PRKD3: variants seen among roughly 807,000 people sequenced by gnomAD.
PRKD3 encodes the protein serine/threonine-protein kinase D3.
A neutral mutation model predicts 99.2 loss-of-function variants in PRKD3; 47 were observed. The observed-to-expected ratio is 0.47, with a 90% CI of 0.38 to 0.60. PRKD3 has a LOEUF of 0.60. Ranked by LOEUF, PRKD3 falls within the 20% of genes least tolerant of loss-of-function variation. The pLI is 0.00. For missense variants in PRKD3, 1,019 were observed against 1,088.4 expected (o/e 0.94, Z 0.90); for synonymous variants, 392 against 355.4 (o/e 1.10, Z -1.16).
At chr2:37,287,991 C>T (rs1363259186) in intron 5 of PRKD3, among the ~76,000 whole-genome samples, 1 of 152,130 alleles carries the variant, frequency 6.6e-6, no homozygotes, top group Non-Finnish European at 1.5e-5. Context: ...TTAAAAATAC[C>T]CTGAACAATC....
In PRKD3 at chr2:37,260,392, G is replaced by C. The variant is rs778200477; in HGVS notation, c.1885-8C>G. The C allele has an allele frequency of 6.2e-7, 1 of 1,606,316 alleles. No individual in the cohort carries two copies. On this transcript the variant is annotated splice_polypyrimidine_tract_variant and splice_region_variant and intron_variant, in intron 14 of 18. Coordinates refer to ENST00000234179, the MANE Select transcript of PRKD3 (RefSeq NM_005813.6). ...CCCAGGATGGTGCAAATTCTGAAGA[G>C]AGGTTGCAAGATACATGAGCAACTT...
At chr2:37,324,107 G>T in intron 1 of PRKD3, 1 of 909,608 alleles carries the variant, frequency 1.1e-6, no homozygotes, top group Non-Finnish European at 1.3e-6. Context: ...CCAGGAGGGA[G>T]CAACTCGGAA....
chr2:37,312,317 T>C (rs986653158), intron 2 of PRKD3, among the ~76,000 whole-genome samples: 1 of 152,330 alleles, frequency 6.6e-6, no homozygotes, highest in East Asian at 1.9e-4. Flanking sequence ...CGTGGAAATA[T>C]CTGACAAGGA....
intron 6 of PRKD3, among the ~76,000 whole-genome samples, chr2:37,283,299 G>A (rs568164303): frequency 6.6e-6 from 1 of 152,268 alleles, no homozygotes; most frequent in East Asian, 1.9e-4. Context: ...CTTAGCGGGT[G>A]GGGAGGGTAG....
chr2:37,289,384 G>A lies in PRKD3; in HGVS notation c.689C>T (p.Pro230Leu). ...PGLSVPRPLQ[P>L]EYVALPSEES... Reference sequence around the variant, plus strand: ...TTCACTGGGAAGGGCTACATATTCAGGCTGTAGGGGTCTTGGAACTGAGAG... The same window carrying A: ...TTCACTGGGAAGGGCTACATATTCAAGCTGTAGGGGTCTTGGAACTGAGAG... Residue 230 changes from proline (P) to leucine (L), a missense_variant, in exon 5 of 19, where the codon CCT (proline) becomes CTT (leucine). This residue lies in a region of PRKD3 where 710 missense variants were observed against 692.7 expected (regional missense o/e 1.02). Coordinates refer to ENST00000234179, the MANE Select transcript of PRKD3 (RefSeq NM_005813.6). 1 of 1,614,086 alleles carries A rather than the reference G, an allele frequency of 6.2e-7. No homozygotes were observed.
chr2:37,251,638 A>T lies in PRKD3; in HGVS notation c.*1539T>A, dbSNP rs1314287589. 1 of 151,916 alleles carries T rather than the reference A, an allele frequency of 6.6e-6. No homozygotes were observed. The highest frequency in any genetic ancestry group is 2.4e-5 in the African/African-American group (1 of 41,340). The allele number at this position is 151,916 out of a possible 1,614,324, so 9.4% of individuals were successfully genotyped here. ...ATTCTTTTTTTTTTTTGCTACCTCA[A>T]ATTCGGTGGGCAACGATAGTTAACA... is the stretch of plus-strand genomic sequence containing the variant. On this transcript the variant is annotated 3_prime_UTR_variant, in exon 19 of 19. Transcript: ENST00000234179.
intron 1 of PRKD3, among the ~76,000 whole-genome samples, chr2:37,322,024 A>G (rs2124912704): frequency 6.6e-6 from 1 of 151,650 alleles, no homozygotes; most frequent in African/African-American, 2.4e-5. Context: ...TCCTCCCAGT[A>G]AAGAGTTTTC....
intron 12 of PRKD3, among the ~76,000 whole-genome samples, chr2:37,271,981 C>G (rs1669295951): frequency 6.6e-6 from 1 of 152,176 alleles, no homozygotes; most frequent in Admixed American, 6.5e-5. Context: ...TCCTAGTGCT[C>G]CTGTACTTGC....
intron 2 of PRKD3, among the ~76,000 whole-genome samples, chr2:37,300,608 T>C (rs1329815822): frequency 1.3e-5 from 2 of 152,224 alleles, no homozygotes; most frequent in Non-Finnish European, 2.9e-5. Context: ...CATTATGCAT[T>C]GTATGCTTGT....
At chr2:37,295,930 G>A (rs1332197523) in intron 2 of PRKD3, among the ~76,000 whole-genome samples, 1 of 152,144 alleles carries the variant, frequency 6.6e-6, no homozygotes, top group East Asian at 1.9e-4. Context: ...AGTCAGAAAA[G>A]TATCAGAGTC....
At chr2:37,298,709 G>C (rs894768661) in intron 2 of PRKD3, among the ~76,000 whole-genome samples, 8 of 151,686 alleles carry the variant, frequency 5.3e-5, no homozygotes, top group African/African-American at 1.9e-4. Flanking sequence ...TAATTTTCTT[G>C]GTTTCTATTC....
Position 37,274,311 on chromosome 2 carries a change from A to G in PRKD3, c.1651+110T>C, listed in dbSNP as rs550468945. On this transcript the variant is annotated intron_variant, in intron 11 of 18. Transcript: ENST00000234179. ...ATTGGTTACTAAAGTATTGGTTACTAAAGACTAAGCTTAGGATGAACATTA... is the reference window on the plus strand; with the variant it reads ...ATTGGTTACTAAAGTATTGGTTACTGAAGACTAAGCTTAGGATGAACATTA... 8.8e-5 allele frequency: 113 copies of G among 1,278,874 alleles called. 1 individual carries two copies. In the South Asian group the frequency reaches 1.5e-3, roughly 16 times the overall value. 79.2% of individuals were successfully genotyped at this position (1,278,874 alleles called of 1,614,324 possible).
intron 18 of PRKD3, 100 bp downstream of exon 18, chr2:37,254,104 T>C: frequency 1.2e-6 from 1 of 857,164 alleles, no homozygotes; most frequent in Non-Finnish European, 1.9e-6. Flanking sequence ...AAGAGCACTT[T>C]TATTATTCTG....
intron 12 of PRKD3, 104 bp downstream of exon 12, chr2:37,272,276 C>T: frequency 1.3e-6 from 2 of 1,520,166 alleles, no homozygotes; most frequent in Non-Finnish European, 1.8e-6. Context: ...AAAGTCTAGC[C>T]TAGTACTTTG....
chr2:37,276,779 T>C (rs1489696047), intron 9 of PRKD3, among the ~76,000 whole-genome samples: 3 of 150,344 alleles, frequency 2.0e-5, no homozygotes, highest in Admixed American at 6.7e-5. Context: ...GAGGTGTGTG[T>C]ATATATGTAT....
chr2:37,272,262 C>T, intron 12 of PRKD3, 118 bp downstream of exon 12: 1 of 1,458,854 alleles, frequency 6.9e-7, no homozygotes, highest in Non-Finnish European at 9.1e-7. Context: ...AAGTTACCAA[C>T]CGCAAAGTCT....
At position 37,250,947 on chromosome 2, in the gene PRKD3, A is replaced by G. The variant is rs1667441090; in HGVS notation, c.*2230T>C. ...GATTCTCTGACAGTGCCTTTACAAA[A>G]TTTTTAGAAAACTTCTTAGGCATTT... On this transcript the variant is annotated 3_prime_UTR_variant, in exon 19 of 19. Transcript: ENST00000234179. The G allele has an allele frequency of 6.6e-6, 1 of 152,630 alleles. No individual in the cohort carries two copies. Among genetic ancestry groups the G allele is most frequent in the Non-Finnish European group, 1.5e-5 (1 of 68,026 alleles). 9.5% of individuals were successfully genotyped at this position (152,630 alleles called of 1,614,324 possible). A position where few individuals can be genotyped will look rare whatever the true frequency, so the allele number is the denominator to read the frequency against.
intron 14 of PRKD3, among the ~76,000 whole-genome samples, chr2:37,263,761 C>T (rs1035153260): frequency 7.2e-5 from 11 of 152,160 alleles, no homozygotes; most frequent in Non-Finnish European, 1.3e-4. Context: ...GTTGTCTCTT[C>T]CTGAAGAGAC....
chr2:37,273,601 T>A (rs756478847), intron 11 of PRKD3, among the ~76,000 whole-genome samples: 19 of 152,232 alleles, frequency 1.2e-4, no homozygotes, highest in Non-Finnish European at 2.4e-4. Flanking sequence ...ATCCCATCTC[T>A]CCCTAAAGAG....
Sources: gnomAD v4.1 joint callset for allele counts (sites outside exome capture counted in the v4.1 genomes callset) on GRCh38, gnomAD v4.1.1 for gene constraint, gnomAD v4.1.1 regional missense constraint, MANE v1.5 for transcripts, NCBI Gene and HGNC (gene_info 2026-07-23, HGNC 2026-07-21) for gene names.